Variants in SLC44A5 observed in about 807,000 individuals in gnomAD.
SLC44A5 encodes choline transporter-like protein 5.
A neutral mutation model predicts 101.8 loss-of-function variants in SLC44A5; 57 were observed. The observed-to-expected ratio is 0.56, with a 90% confidence interval of 0.45 to 0.70. The LOEUF (loss-of-function observed/expected upper bound fraction) is 0.70. Among genes scored for constraint, SLC44A5 ranks in the 30% least tolerant of loss-of-function variants. The pLI, the probability that SLC44A5 is intolerant of heterozygous loss-of-function variation, is 0.00. For synonymous variants in SLC44A5, 281 were observed against 290.9 expected, an observed-to-expected ratio of 0.97 and a Z score of 0.35; for missense variants, 737 against 853.1, an observed-to-expected ratio of 0.86 and a Z score of 1.70.
At chr1:75,248,454 G>T (rs1285321374) in intron 7 of SLC44A5, among the ~76,000 whole-genome samples, 1 of 152,126 alleles carries the variant, frequency 6.6e-6, no homozygotes, top group East Asian at 1.9e-4. Context: ...GGGAATTAGA[G>T]GGAAGGCAGA....
chr1:75,716,279 G>C, the SLC44A5 span, among the ~76,000 whole-genome samples: 1 of 152,086 alleles, frequency 6.6e-6, no homozygotes, highest in African/African-American at 2.4e-5. Flanking sequence ...CAGAGTTAGA[G>C]ACCAGCCTGG....
At chr1:75,391,444 A>G (rs529278987) in intron 3 of SLC44A5, among the ~76,000 whole-genome samples, 83 of 152,330 alleles carry the variant, frequency 5.4e-4, no homozygotes, top group African/African-American at 1.9e-3. Context: ...ACCCAACTTC[A>G]GACATCACAT....
chr1:75,655,467 C>T, the SLC44A5 span, among the ~76,000 whole-genome samples: 1 of 152,178 alleles, frequency 6.6e-6, no homozygotes, highest in African/African-American at 2.4e-5. Flanking sequence ...CCTTGGTCCC[C>T]AGATACATTT....
chr1:75,287,309 T>C (rs1246821850), intron 5 of SLC44A5, among the ~76,000 whole-genome samples: 1 of 152,032 alleles, frequency 6.6e-6, no homozygotes, highest in Non-Finnish European at 1.5e-5. Flanking sequence ...ATTTATGCTG[T>C]CTATTTCTCT....
At chr1:75,357,871 G>A (rs1414771169) in intron 3 of SLC44A5, among the ~76,000 whole-genome samples, 4 of 152,110 alleles carry the variant, frequency 2.6e-5, no homozygotes, top group Non-Finnish European at 4.4e-5. Context: ...GCGTCAAAGA[G>A]TTATATGTCA....
the SLC44A5 span, among the ~76,000 whole-genome samples, chr1:75,695,021 G>C: frequency 1.3e-5 from 2 of 152,100 alleles, no homozygotes; most frequent in African/African-American, 4.8e-5. Flanking sequence ...CCAGTTTCTA[G>C]AAGAACTTCT....
chr1:75,522,396 T>A (rs532012079), intron 2 of SLC44A5, among the ~76,000 whole-genome samples: 1 of 151,912 alleles, frequency 6.6e-6, no homozygotes, highest in East Asian at 1.9e-4. Context: ...AATTGAGAAA[T>A]CCCTGTATTT....
chr1:75,225,883 G>A (rs1023923987), intron 13 of SLC44A5, among the ~76,000 whole-genome samples: 2 of 152,110 alleles, frequency 1.3e-5, no homozygotes, highest in Non-Finnish European at 2.9e-5. Context: ...CCTCAATGGC[G>A]TTTGTGTGGA....
At chr1:75,652,523 G>A in the SLC44A5 span, among the ~76,000 whole-genome samples, 7 of 152,186 alleles carry the variant, frequency 4.6e-5, no homozygotes, top group African/African-American at 1.7e-4. Context: ...CAGGCACAGT[G>A]GTTCACAACT....
chr1:75,557,010 A>G (rs1374065256), intron 1 of SLC44A5, among the ~76,000 whole-genome samples: 1 of 152,150 alleles, frequency 6.6e-6, no homozygotes, highest in East Asian at 1.9e-4. Context: ...GGTTTTACCC[A>G]GCAGGCTTTT....
chr1:75,582,095 C>T (rs1673729396), intron 1 of SLC44A5: 2 of 723,462 alleles, frequency 2.8e-6, no homozygotes, highest in Non-Finnish European at 5.1e-6. Flanking sequence ...ACAGTGCAGA[C>T]ATGGCCAAGT....
intron 1 of SLC44A5, among the ~76,000 whole-genome samples, chr1:75,546,677 C>T (rs1314323732): frequency 6.6e-6 from 1 of 152,120 alleles, no homozygotes; most frequent in Non-Finnish European, 1.5e-5. Context: ...ACTTCTAAGT[C>T]TTGCCACAAA....
the SLC44A5 span, among the ~76,000 whole-genome samples, chr1:75,693,352 C>T: frequency 0.092 from 13,993 of 152,142 alleles, 2,148 homozygotes; most frequent in African/African-American, 0.32. Flanking sequence ...CCAGGAATTT[C>T]CCATTTACCT....
At chr1:75,562,185 G>C (rs1672554671) in intron 1 of SLC44A5, among the ~76,000 whole-genome samples, 1 of 151,920 alleles carries the variant, frequency 6.6e-6, no homozygotes, top group African/African-American at 2.4e-5. Context: ...CTCCTTCTTG[G>C]AGGTAGTCAT....
intron 1 of SLC44A5, among the ~76,000 whole-genome samples, chr1:75,545,587 C>T (rs1359057012): frequency 6.6e-6 from 1 of 152,150 alleles, no homozygotes; most frequent in Non-Finnish European, 1.5e-5. Context: ...GTGATGTTAA[C>T]TTTGACTACT....
chr1:75,298,207 T>C (rs1654122811), intron 5 of SLC44A5, among the ~76,000 whole-genome samples: 1 of 152,200 alleles, frequency 6.6e-6, no homozygotes, highest in African/African-American at 2.4e-5. Context: ...CTCATGCTTC[T>C]TTTAGTCCAA....
intron 2 of SLC44A5, among the ~76,000 whole-genome samples, chr1:75,445,249 C>A (rs79332737): frequency 1.3e-5 from 2 of 151,868 alleles, no homozygotes; most frequent in Non-Finnish European, 2.9e-5. Context: ...GTTTAACATG[C>A]CTGGTATCTC....
chr1:75,291,971 C>A lies in SLC44A5; in HGVS notation c.175+8641G>T, dbSNP rs578214760. Among the ~76,000 whole-genome samples the A allele has an allele frequency of 2.0e-5, 3 of 149,090 alleles. No individual in the cohort carries two copies. In the East Asian group the frequency reaches 5.9e-4, roughly 30 times the overall value. On this transcript the variant is annotated intron_variant, in intron 5 of 23. Transcript: ENST00000370859. Reference sequence around the variant, plus strand: ...AGCTTGCAGTGAGCCGAGATCGCGCCACTGCACTCCAGCCTGGGTGACAGA... The same window carrying A: ...AGCTTGCAGTGAGCCGAGATCGCGCAACTGCACTCCAGCCTGGGTGACAGA...
intron 6 of SLC44A5, among the ~76,000 whole-genome samples, chr1:75,256,145 G>A (rs1168272980): frequency 2.0e-5 from 3 of 152,100 alleles, no homozygotes; most frequent in Non-Finnish European, 4.4e-5. Flanking sequence ...TGGGCATTCT[G>A]TGCTTTTGTT....
Sources: allele counts gnomAD v4.1 joint callset (sites outside exome capture counted in the v4.1 genomes callset), GRCh38; gene constraint gnomAD v4.1.1; transcripts MANE v1.5; gene names NCBI Gene and HGNC (gene_info 2026-07-23, HGNC 2026-07-21).